Variants in UNC13C observed in about 807,000 individuals in gnomAD.
UNC13C encodes the protein unc-13 homolog C.
Under a neutral mutation model 245.4 loss-of-function variants are expected in UNC13C, and 174 were observed. The ratio of observed to expected loss-of-function variants is 0.71; its 90% confidence interval spans 0.63 to 0.80. UNC13C has a LOEUF of 0.80. Among genes scored for constraint, UNC13C ranks in the 30% least tolerant of loss-of-function variants. The pLI, the probability that UNC13C is intolerant of heterozygous loss-of-function variation, is 0.00. For missense variants in UNC13C, 2,829 were observed against 2,602.9 expected (o/e 1.09, Z -1.89); for synonymous variants, 992 against 895.1 (o/e 1.11, Z -1.93).
chr15:54,124,089 C>T (rs559012614), intron 2 of UNC13C, among the ~76,000 whole-genome samples: 70 of 152,122 alleles, frequency 4.6e-4, no homozygotes, highest in Non-Finnish European at 9.0e-4. Flanking sequence ...GTTTGTTTAA[C>T]TATTGATCTG....
chr15:54,075,057 T>C (rs1421778151), intron 2 of UNC13C, among the ~76,000 whole-genome samples: 1 of 152,206 alleles, frequency 6.6e-6, no homozygotes, highest in Non-Finnish European at 1.5e-5. Context: ...CTCCAACATT[T>C]ACTATGGCCT....
In UNC13C at chr15:54,085,675, G is replaced by A. The variant is rs146407841; in HGVS notation, c.2984-57343G>A. ...TCACCCAGGCTGTTCTCAAATCCCT[G>A]CCCTCAAGTGATCCTCTTGCCTTGG... On this transcript the variant is annotated intron_variant, in intron 2 of 32. Transcript: ENST00000260323. 2.0e-4 allele frequency among the ~76,000 whole-genome samples: 31 copies of A among 152,156 alleles called. No homozygotes were observed. The East Asian group carries it at 6.0e-3, about 29-fold the overall frequency.
At chr15:54,294,309 G>C (rs2037376055) in intron 11 of UNC13C, among the ~76,000 whole-genome samples, 1 of 152,012 alleles carries the variant, frequency 6.6e-6, no homozygotes, top group South Asian at 2.1e-4. Flanking sequence ...GTCTTTTAGA[G>C]AAAAATGTTA....
chr15:54,285,328 G>A (rs1411527591), intron 10 of UNC13C, among the ~76,000 whole-genome samples: 1 of 151,900 alleles, frequency 6.6e-6, no homozygotes, highest in African/African-American at 2.4e-5. Context: ...AAGTTTCTCT[G>A]CATCAACACT....
At chr15:53,915,340 G>A in the UNC13C span, among the ~76,000 whole-genome samples, 1 of 152,178 alleles carries the variant, frequency 6.6e-6, no homozygotes, top group African/African-American at 2.4e-5. Flanking sequence ...TCTTTTAAAT[G>A]AAAACTTAAA....
intron 30 of UNC13C, among the ~76,000 whole-genome samples, chr15:54,601,411 C>T (rs1009419857): frequency 2.4e-4 from 36 of 152,118 alleles, no homozygotes; most frequent in Non-Finnish European, 5.9e-5. Flanking sequence ...AGAAGGAGAG[C>T]ACTTGATGGT....
chr15:54,060,955 C>T (rs555018581), intron 2 of UNC13C, among the ~76,000 whole-genome samples: 82 of 151,312 alleles, frequency 5.4e-4, no homozygotes, highest in African/African-American at 1.6e-3. Context: ...CATCACACAC[C>T]GGGGACTGTT....
At chr15:54,276,771 C>A (rs901837825) in intron 10 of UNC13C, among the ~76,000 whole-genome samples, 1 of 152,008 alleles carries the variant, frequency 6.6e-6, no homozygotes, top group African/African-American at 2.4e-5. Context: ...AACATTTTTC[C>A]CCATTAGTCT....
At chr15:54,619,177 TA>T (rs1031364292) in intron 30 of UNC13C, among the ~76,000 whole-genome samples, 1 of 152,138 alleles carries the variant, frequency 6.6e-6, no homozygotes, top group Non-Finnish European at 1.5e-5. Context: ...GAGAGTTCCT[TA>T]AATGTGAGCC....
chr15:54,145,709 TC>T (rs1173146759), intron 4 of UNC13C, among the ~76,000 whole-genome samples: 1 of 152,226 alleles, frequency 6.6e-6, no homozygotes, highest in African/African-American at 2.4e-5. Context: ...GGACATCGTG[TC>T]ATGCACCTGG....
chr15:54,003,721 G>A (rs111959262), intron 1 of UNC13C, among the ~76,000 whole-genome samples: 7,148 of 152,120 alleles, frequency 0.047, 574 homozygotes, highest in African/African-American at 0.16. Flanking sequence ...TTAAACTCTT[G>A]CTGACTATAG....
chr15:54,621,718 A>G (rs1488049885), intron 30 of UNC13C, among the ~76,000 whole-genome samples: 1 of 152,212 alleles, frequency 6.6e-6, no homozygotes, highest in African/African-American at 2.4e-5. Flanking sequence ...CAGTGGTGAC[A>G]TACTGTGATT....
intron 2 of UNC13C, chr15:54,050,223 C>A: frequency 1.9e-6 from 1 of 529,474 alleles, no homozygotes; most frequent in Non-Finnish European, 3.8e-6. Context: ...CCACCCACCT[C>A]AGCCTCCCAA....
At chr15:54,358,871 T>C (rs931351892) in intron 17 of UNC13C, among the ~76,000 whole-genome samples, 3 of 152,062 alleles carry the variant, frequency 2.0e-5, no homozygotes, top group African/African-American at 7.2e-5. Context: ...GCAGTGAAAG[T>C]GGACATCCTT....
intron 19 of UNC13C, among the ~76,000 whole-genome samples, chr15:54,455,074 G>A (rs1417041632): frequency 6.7e-6 from 1 of 149,796 alleles, no homozygotes; most frequent in Non-Finnish European, 1.5e-5. Flanking sequence ...TTCCATTCCT[G>A]AGTTACTTCA....
At chr15:54,421,430 C>T (rs1446534891) in intron 19 of UNC13C, among the ~76,000 whole-genome samples, 2 of 151,974 alleles carry the variant, frequency 1.3e-5, no homozygotes, top group South Asian at 4.1e-4. Flanking sequence ...ATCCATGGAC[C>T]CCAGGTTCAA....
At chr15:54,438,485 C>T (rs749331012) in intron 19 of UNC13C, among the ~76,000 whole-genome samples, 7 of 152,074 alleles carry the variant, frequency 4.6e-5, no homozygotes, top group Admixed American at 1.3e-4. Context: ...GACCACTCTG[C>T]TCTAGTCAAC....
intron 19 of UNC13C, among the ~76,000 whole-genome samples, chr15:54,442,829 G>A (rs1380521311): frequency 2.6e-5 from 4 of 151,976 alleles, no homozygotes; most frequent in Admixed American, 6.6e-5. Flanking sequence ...GTATTTTGTC[G>A]AGGACTTTTG....
the UNC13C span, among the ~76,000 whole-genome samples, chr15:53,963,124 C>CA: frequency 2.0e-5 from 3 of 152,092 alleles, no homozygotes; most frequent in Non-Finnish European, 4.4e-5. Flanking sequence ...ACAAATTAGA[C>CA]ACGCCAGCAG....
Sources: gnomAD v4.1 joint callset for allele counts (sites outside exome capture counted in the v4.1 genomes callset) on GRCh38, gnomAD v4.1.1 for gene constraint, MANE v1.5 for transcripts, NCBI Gene and HGNC (gene_info 2026-07-23, HGNC 2026-07-21) for gene names.